Variants in PLCE1 observed in about 807,000 individuals in gnomAD.
PLCE1 encodes 1-phosphatidylinositol 4,5-bisphosphate phosphodiesterase epsilon-1.
PLCE1 carries 119 observed loss-of-function variants against 242.8 expected under a neutral mutation model. The observed-to-expected ratio is 0.49, with a 90% CI of 0.42 to 0.57. The LOEUF (loss-of-function observed/expected upper bound fraction) is 0.57. Among genes scored for constraint, PLCE1 ranks in the 20% least tolerant of loss-of-function variants. PLCE1 has a pLI of 0.00. For missense variants in PLCE1, 2,441 were observed against 2,788.8 expected (o/e 0.88, Z 2.81); for synonymous variants, 945 against 1,017.4 (o/e 0.93, Z 1.35).
intron 3 of PLCE1, among the ~76,000 whole-genome samples, chr10:94,153,896 C>T (rs2136138246): frequency 6.6e-6 from 1 of 152,326 alleles, no homozygotes; most frequent in Middle Eastern, 3.4e-3. Context: ...AATGGAAAGA[C>T]ATCCTGTATT....
At chr10:94,225,173 A>G (rs2049895197) in intron 4 of PLCE1, 1 of 152,196 alleles carries the variant, frequency 6.6e-6, no homozygotes, top group South Asian at 2.1e-4. Flanking sequence ...TTTATCACTA[A>G]AACTCCCTGT....
intron 1 of PLCE1, among the ~76,000 whole-genome samples, chr10:94,026,482 C>G (rs936773510): frequency 1.3e-5 from 2 of 152,056 alleles, no homozygotes; most frequent in South Asian, 4.2e-4. Flanking sequence ...TTCTTCAAAC[C>G]CACTAGACTA....
chr10:94,092,070 C>G (rs1458671115), intron 2 of PLCE1, among the ~76,000 whole-genome samples: 1 of 152,100 alleles, frequency 6.6e-6, no homozygotes, highest in Non-Finnish European at 1.5e-5. Context: ...GATTAACGGT[C>G]TGATGCAAGG....
At chr10:94,192,108 C>G (rs541334782) in intron 4 of PLCE1, among the ~76,000 whole-genome samples, 4 of 152,286 alleles carry the variant, frequency 2.6e-5, no homozygotes, top group Admixed American at 2.6e-4. Context: ...ATGATTAAAT[C>G]AAGCTAATTA....
At chr10:94,282,862 C>T (rs2052292255) in intron 20 of PLCE1, among the ~76,000 whole-genome samples, 1 of 152,150 alleles carries the variant, frequency 6.6e-6, no homozygotes, top group Non-Finnish European at 1.5e-5. Context: ...GGCATTTTAA[C>T]TGCATGGATG....
chr10:94,061,514 T>TAAA (rs1180193204), intron 2 of PLCE1, among the ~76,000 whole-genome samples: 91 of 152,288 alleles, frequency 6.0e-4, no homozygotes, highest in African/African-American at 2.2e-3. Flanking sequence ...GTGCATACCA[T>TAAA]TAGCCAAAGA....
intron 11 of PLCE1, among the ~76,000 whole-genome samples, chr10:94,257,600 A>C (rs867027205): frequency 6.6e-6 from 1 of 152,228 alleles, no homozygotes; most frequent in African/African-American, 2.4e-5. Context: ...CATAAAAAGG[A>C]TGAGCTTCAT....
intron 19 of PLCE1, chr10:94,279,493 C>G (rs1483682948): frequency 2.3e-6 from 1 of 442,266 alleles, no homozygotes; most frequent in Non-Finnish European, 4.1e-6. Flanking sequence ...ATCACCAAAG[C>G]TTTCTCTTGG....
chr10:94,101,245 G>A (rs936204061), intron 2 of PLCE1, among the ~76,000 whole-genome samples: 2 of 152,168 alleles, frequency 1.3e-5, no homozygotes, highest in African/African-American at 4.8e-5. Flanking sequence ...CGGGGCTTCG[G>A]TGTTCTCATG....
intron 2 of PLCE1, among the ~76,000 whole-genome samples, chr10:94,131,037 C>T (rs2046584972): frequency 6.6e-6 from 1 of 152,122 alleles, no homozygotes; most frequent in Non-Finnish European, 1.5e-5. Flanking sequence ...TTTATTTATC[C>T]AGCCCTGTCA....
chr10:94,217,321 G>T (rs1162893422), intron 4 of PLCE1, among the ~76,000 whole-genome samples: 1 of 152,096 alleles, frequency 6.6e-6, no homozygotes, highest in Non-Finnish European at 1.5e-5. Flanking sequence ...AAGAGGAAAA[G>T]AAATTGATTT....
At chr10:94,056,595 C>A (rs1248583350) in intron 2 of PLCE1, among the ~76,000 whole-genome samples, 1 of 151,730 alleles carries the variant, frequency 6.6e-6, no homozygotes. Flanking sequence ...TGAGTCTTAC[C>A]ATATATAATG....
At chr10:94,167,226 G>A (rs573905055) in intron 3 of PLCE1, among the ~76,000 whole-genome samples, 18 of 152,112 alleles carry the variant, frequency 1.2e-4, no homozygotes, top group South Asian at 2.1e-4. Context: ...GGGAGGCGGC[G>A]GTTCGTGCCA....
At position 94,246,292 on chromosome 10, in the gene PLCE1, C is replaced by G. The variant is rs1320844399; in HGVS notation, c.2767C>G (p.Leu923Val). ...AGCTGAGCCTGGAAAATTCCCACTA[C>G]TGGGTAATGCTGGATTAAGTAGCCT... is the stretch of plus-strand genomic sequence containing the variant. ...NTAEPGKFPL[L>V]GNAGLSSLTE... The change falls in exon 8 of 33, where the codon CTG (leucine) becomes GTG (valine). Residue 923 changes from leucine (L) to valine (V), a missense_variant. Around this residue, in one of 5 missense-constraint regions of PLCE1, gnomAD observed 733 missense variants for 754.2 expected, o/e 0.97. Coordinates refer to ENST00000371380, the MANE Select transcript of PLCE1 (RefSeq NM_016341.4). The G allele has an allele frequency of 6.2e-7, 1 of 1,614,184 alleles. No individual in the cohort carries two copies. Among genetic ancestry groups the G allele is most frequent in the Admixed American group, 1.7e-5 (1 of 60,028 alleles).
chr10:94,074,271 C>T (rs2044442149), intron 2 of PLCE1, among the ~76,000 whole-genome samples: 1 of 150,816 alleles, frequency 6.6e-6, no homozygotes, highest in South Asian at 2.1e-4. Context: ...TGGATCACTG[C>T]AGCTTCGAAC....
At position 94,004,971 on chromosome 10, in the gene PLCE1, A is replaced by G. The variant is rs558626703; in HGVS notation, c.-365+10713A>G. Among the ~76,000 whole-genome samples, 9 of 152,324 alleles carry G rather than the reference A, an allele frequency of 5.9e-5. 1 individual carries two copies. In the South Asian group the frequency reaches 1.9e-3, roughly 32 times the overall value. On this transcript the variant is annotated intron_variant, in intron 1 of 32. Transcript: ENST00000371380. ...AACAAAGCATTATAAGTGAGGAATC[A>G]TTTGTAAGTTGTAAATTTTGACGAT... is the stretch of plus-strand genomic sequence containing the variant.
In PLCE1 at chr10:94,329,246, A is replaced by G. The variant is rs2054128082; in HGVS notation, c.*1303A>G. The G allele has an allele frequency of 1.3e-5, 2 of 152,230 alleles. No homozygotes were observed. The highest frequency in any genetic ancestry group is 4.8e-5 in the African/African-American group (2 of 41,462). 9.4% of individuals were successfully genotyped at this position (152,230 alleles called of 1,614,324 possible). A position where few individuals can be genotyped will look rare whatever the true frequency, so the allele number is the denominator to read the frequency against. On this transcript the variant is annotated 3_prime_UTR_variant, in exon 33 of 33. Transcript: ENST00000371380. ...TTTGCTGTACAAAACCATTAAGTGT[A>G]AAGGATTCTTCATATTCTTAGTATG...
In PLCE1 at chr10:94,279,834, A is replaced by AC. The variant is rs2133254908; in HGVS notation, c.4723dup (p.Arg1575ProfsTer5). ...CAGGCTTATAATGGTGGGAATGCCAACCCCCGACCTGCCAATAATGAGGAA... is the reference window on the plus strand; with the variant it reads ...CAGGCTTATAATGGTGGGAATGCCAACCCCCCGACCTGCCAATAATGAGGAA... On this transcript the variant is annotated frameshift_variant, in exon 20 of 33. Transcript: ENST00000371380. LOFTEE classifies it high-confidence loss of function. 1 of 1,612,674 alleles carries AC rather than the reference A, an allele frequency of 6.2e-7. No homozygotes were observed. Among genetic ancestry groups the AC allele is most frequent in the South Asian group, 1.1e-5 (1 of 91,044 alleles).
At chr10:94,162,126 T>G (rs2047636578) in intron 3 of PLCE1, among the ~76,000 whole-genome samples, 2 of 152,190 alleles carry the variant, frequency 1.3e-5, no homozygotes, top group Admixed American at 6.5e-5. Flanking sequence ...TGTTTTTTTG[T>G]TGTGTCTCTG....
Sources: gnomAD v4.1 joint callset for allele counts (sites outside exome capture counted in the v4.1 genomes callset) on GRCh38, gnomAD v4.1.1 for gene constraint, gnomAD v4.1.1 regional missense constraint, MANE v1.5 for transcripts, NCBI Gene and HGNC (gene_info 2026-07-23, HGNC 2026-07-21) for gene names.